The following SOX5 variants were observed in gnomAD, a reference collection of about 807,000 sequenced individuals.
SOX5 encodes the protein SRY-box transcription factor 5, also known as transcription factor SOX-5.
A neutral mutation model predicts 92.0 loss-of-function variants in SOX5; 9 were observed. The ratio of observed to expected loss-of-function variants is 0.10; its 90% confidence interval spans 0.06 to 0.17. The LOEUF (loss-of-function observed/expected upper bound fraction) is 0.17. SOX5 is among the 10% of genes least tolerant of loss of function. The pLI, the probability that SOX5 is intolerant of heterozygous loss-of-function variation, is 1.00. For synonymous variants in SOX5, 344 were observed against 336.3 expected (o/e 1.02, Z -0.25); for missense variants, 642 against 944.5 (o/e 0.68, Z 4.20).
chr12:23,720,710 C>G (rs531135914), intron 6 of SOX5, among the ~76,000 whole-genome samples: 1 of 152,068 alleles, frequency 6.6e-6, no homozygotes, highest in South Asian at 2.1e-4. Context: ...TTCAGTGAAT[C>G]AAAATTTAAG....
At chr12:23,907,031 C>T (rs1212182027) in intron 1 of SOX5, among the ~76,000 whole-genome samples, 1 of 151,850 alleles carries the variant, frequency 6.6e-6, no homozygotes, top group Non-Finnish European at 1.5e-5. Context: ...ATCCCTGCTA[C>T]AGGGACAATC....
At chr12:23,966,811 G>A (rs1056397161) in intron 4 of SOX5, among the ~76,000 whole-genome samples, 5 of 152,240 alleles carry the variant, frequency 3.3e-5, no homozygotes, top group African/African-American at 4.8e-5. Flanking sequence ...AAACTGAAAC[G>A]TAATATGTAT....
chr12:23,992,042 CA>C (rs1950605865), intron 4 of SOX5, among the ~76,000 whole-genome samples: 1 of 151,886 alleles, frequency 6.6e-6, no homozygotes, highest in Non-Finnish European at 1.5e-5. Flanking sequence ...GTAGCAAAAA[CA>C]AAAATAAGAA....
chr12:24,197,935 C>T (rs1343484806), intron 4 of SOX5, among the ~76,000 whole-genome samples: 1 of 152,010 alleles, frequency 6.6e-6, no homozygotes, highest in East Asian at 1.9e-4. Flanking sequence ...TGCTCTTAGA[C>T]ACACACTCTC....
intron 2 of SOX5, among the ~76,000 whole-genome samples, chr12:23,891,158 G>A (rs2097126419): frequency 6.6e-6 from 1 of 152,180 alleles, no homozygotes; most frequent in African/African-American, 2.4e-5. Context: ...TGAACACTGA[G>A]TGAAATATTC....
At chr12:23,691,911 T>C (rs931826927) in intron 6 of SOX5, among the ~76,000 whole-genome samples, 2 of 152,160 alleles carry the variant, frequency 1.3e-5, no homozygotes, top group African/African-American at 4.8e-5. Flanking sequence ...GTTGTTGTTG[T>C]CGTTCACCTC....
rs1318473193 is a variant in SOX5 at position 24,104,013 on chromosome 12, G to T, written c.-2+109330C>A. ...TTGTTTTCCCAGAACAAGCCAGAAGGGTACAGGAAAGTTTTGAGTCTATTT... is the reference window on the plus strand; with the variant it reads ...TTGTTTTCCCAGAACAAGCCAGAAGTGTACAGGAAAGTTTTGAGTCTATTT... On this transcript the variant is annotated intron_variant, in intron 4 of 4. Transcript: ENST00000446891. Among the ~76,000 whole-genome samples the T allele has an allele frequency of 2.6e-5, 4 of 152,166 alleles. No homozygotes were observed. In the East Asian group the frequency reaches 5.8e-4, roughly 22 times the overall value.
intron 1 of SOX5, among the ~76,000 whole-genome samples, chr12:24,503,136 T>C (rs925263480): frequency 1.3e-5 from 2 of 152,228 alleles, no homozygotes; most frequent in African/African-American, 4.8e-5. Flanking sequence ...TTGGTGACTA[T>C]ACTATGCTTA....
chr12:24,030,968 A>C (rs1210250768), intron 4 of SOX5, among the ~76,000 whole-genome samples: 1 of 151,966 alleles, frequency 6.6e-6, no homozygotes, highest in Non-Finnish European at 1.5e-5. Context: ...ATCATCAGGG[A>C]AATGCAAATT....
intron 3 of SOX5, among the ~76,000 whole-genome samples, chr12:24,249,720 G>A (rs932171178): frequency 6.6e-6 from 1 of 152,130 alleles, no homozygotes; most frequent in African/African-American, 2.4e-5. Context: ...ATTGCAGCTG[G>A]AAACCACCTC....
intron 1 of SOX5, among the ~76,000 whole-genome samples, chr12:24,538,598 A>AACAC (rs60114784): frequency 0.099 from 14,187 of 143,662 alleles, 728 homozygotes; most frequent in Admixed American, 0.13. Context: ...GCTGGATCTA[A>AACAC]ACACACACAC....
At position 24,482,831 on chromosome 12, in the gene SOX5, A is replaced by G. The variant is rs1213039879; in HGVS notation, c.-251+79498T>C. Among the ~76,000 whole-genome samples the G allele has an allele frequency of 2.0e-5, 3 of 152,226 alleles. No homozygotes were observed. In the East Asian group the frequency reaches 5.8e-4, roughly 29 times the overall value. On this transcript the variant is annotated intron_variant, in intron 1 of 4. Transcript: ENST00000446891. ...TTGAAACGTAAATAAGAGTATTGTG[A>G]ATAAAAGATTGTTCTAAATTATCTC... is the stretch of plus-strand genomic sequence containing the variant.
Position 23,728,565 on chromosome 12 carries a change from TG to T in SOX5, c.810+6118del, listed in dbSNP as rs565639743. On this transcript the variant is annotated intron_variant, in intron 6 of 14. Transcript: ENST00000451604. ...TACAATATTTCAATGGATTTCCTTC[TG>T]CGTAATAATTTTTCAAGAATTACCA... Among the ~76,000 whole-genome samples, 540 of 152,316 alleles carry T rather than the reference TG, an allele frequency of 3.5e-3. 2 individuals carry two copies. Among genetic ancestry groups the T allele is most frequent in the South Asian group, 0.011 (51 of 4,830 alleles).
At chr12:23,733,377 T>C (rs2140887296) in intron 6 of SOX5, among the ~76,000 whole-genome samples, 1 of 152,320 alleles carries the variant, frequency 6.6e-6, no homozygotes, top group South Asian at 2.1e-4. Context: ...TCAGTGTACT[T>C]TGAACAATAT....
intron 1 of SOX5, chr12:23,944,405 T>C (rs1294217642): frequency 6.6e-6 from 1 of 152,112 alleles, no homozygotes; most frequent in African/African-American, 2.4e-5. Context: ...TACGCCACAA[T>C]ATCTCCAGAG....
intron 1 of SOX5, among the ~76,000 whole-genome samples, chr12:24,495,763 G>T (rs537740044): frequency 3.9e-4 from 60 of 152,206 alleles, no homozygotes; most frequent in Non-Finnish European, 6.8e-4. Flanking sequence ...TGAAACAAGA[G>T]AAGGTGTATA....
intron 8 of SOX5, among the ~76,000 whole-genome samples, chr12:23,614,847 G>T (rs1349829053): frequency 1.3e-5 from 2 of 152,138 alleles, no homozygotes; most frequent in Non-Finnish European, 2.9e-5. Flanking sequence ...TGATGCCCAG[G>T]CTGGAGTGCA....
chr12:23,892,688 C>G (rs995550822), intron 2 of SOX5, among the ~76,000 whole-genome samples: 2 of 152,126 alleles, frequency 1.3e-5, no homozygotes, highest in Non-Finnish European at 2.9e-5. Context: ...GCAGCAGAAA[C>G]AAATTTAGAA....
chr12:24,180,353 C>A (rs1186196043), intron 4 of SOX5, among the ~76,000 whole-genome samples: 1 of 152,148 alleles, frequency 6.6e-6, no homozygotes, highest in Non-Finnish European at 1.5e-5. Context: ...GATGAGATTT[C>A]TAGTTATCTT....
Sources: gnomAD v4.1 joint callset for allele counts (sites outside exome capture counted in the v4.1 genomes callset) on GRCh38, gnomAD v4.1.1 for gene constraint, MANE v1.5 for transcripts, NCBI Gene and HGNC (gene_info 2026-07-23, HGNC 2026-07-21) for gene names.